Variants in DENND1A observed in about 807,000 individuals in gnomAD.
DENND1A encodes DENN domain containing 1A.
In DENND1A, 51 loss-of-function variants were observed where a neutral mutation model predicts 113.7. That is an observed-to-expected ratio of 0.45 (90% CI 0.36 to 0.57). The LOEUF (loss-of-function observed/expected upper bound fraction) is 0.57. Among genes scored for constraint, DENND1A ranks in the 20% least tolerant of loss-of-function variants. The probability of loss-of-function intolerance (pLI) is 0.00; values close to 1 mark genes in which losing one functional copy is unlikely to be tolerated. For synonymous variants in DENND1A, 565 were observed against 570.8 expected, an observed-to-expected ratio of 0.99 and a Z score of 0.14; for missense variants, 1,258 against 1,395.9, an observed-to-expected ratio of 0.90 and a Z score of 1.57.
chr9:123,909,978 G>C (rs1339352379), intron 1 of DENND1A, among the ~76,000 whole-genome samples: 2 of 151,846 alleles, frequency 1.3e-5, no homozygotes, highest in African/African-American at 4.8e-5. Context: ...TCTAACAAAA[G>C]ATGTTCAGGA....
At chr9:123,667,844 T>C (rs777437760) in intron 7 of DENND1A, among the ~76,000 whole-genome samples, 43 of 152,128 alleles carry the variant, frequency 2.8e-4, no homozygotes, top group Non-Finnish European at 4.7e-4. Flanking sequence ...GCCTAAGTGA[T>C]GTTAGGAAGA....
intron 5 of DENND1A, among the ~76,000 whole-genome samples, chr9:123,731,419 C>T (rs1262022241): frequency 1.3e-5 from 2 of 152,098 alleles, no homozygotes; most frequent in Non-Finnish European, 2.9e-5. Flanking sequence ...CTGCGTAGTC[C>T]ATTAATTTTT....
intron 13 of DENND1A, among the ~76,000 whole-genome samples, chr9:123,490,896 C>T (rs1174452772): frequency 6.6e-6 from 1 of 152,208 alleles, no homozygotes; most frequent in Non-Finnish European, 1.5e-5. Flanking sequence ...AGCCAGAGGC[C>T]ACTGTACTGA....
intron 5 of DENND1A, among the ~76,000 whole-genome samples, chr9:123,753,948 A>C (rs950440170): frequency 1.3e-5 from 2 of 152,254 alleles, no homozygotes; most frequent in African/African-American, 2.4e-5. Context: ...CACATGGACC[A>C]GAAAGCATAG....
At chr9:123,484,373 G>A (rs778153875) in intron 13 of DENND1A, among the ~76,000 whole-genome samples, 2 of 152,112 alleles carry the variant, frequency 1.3e-5, no homozygotes, top group Non-Finnish European at 2.9e-5. Context: ...AGAGTAAGCC[G>A]CCCAGAGATT....
At chr9:123,884,782 AT>A (rs1413989385) in intron 1 of DENND1A, among the ~76,000 whole-genome samples, 3 of 152,096 alleles carry the variant, frequency 2.0e-5, no homozygotes, top group African/African-American at 7.2e-5. Flanking sequence ...CAGAGAATAA[AT>A]TGGCCAAAGA....
intron 12 of DENND1A, among the ~76,000 whole-genome samples, chr9:123,566,913 C>CCACACA (rs59984497): frequency 0.041 from 5,970 of 147,366 alleles, 300 homozygotes; most frequent in African/African-American, 0.12. Context: ...CTTTAACACA[C>CCACACA]CACACACACA....
chr9:123,915,572 C>T (rs1854936753), intron 1 of DENND1A, among the ~76,000 whole-genome samples: 1 of 151,968 alleles, frequency 6.6e-6, no homozygotes, highest in South Asian at 2.1e-4. Context: ...TAAAGTAACA[C>T]AAAATAGATA....
At chr9:123,630,205 T>A (rs564116459) in intron 10 of DENND1A, among the ~76,000 whole-genome samples, 171 bp downstream of exon 10, 2 of 46,608 alleles carry the variant, frequency 4.3e-5, no homozygotes, top group Non-Finnish European at 7.0e-5. Flanking sequence ...CATGACTGGC[T>A]TTTTTTTTTT....
intron 2 of DENND1A, among the ~76,000 whole-genome samples, chr9:123,873,742 T>C (rs538966068): frequency 1.3e-5 from 2 of 151,958 alleles, no homozygotes; most frequent in Admixed American, 6.6e-5. Context: ...AAATTATCTA[T>C]CTCTCTTTTT....
chr9:123,695,764 T>G (rs981951687), intron 5 of DENND1A, among the ~76,000 whole-genome samples: 1 of 152,206 alleles, frequency 6.6e-6, no homozygotes, highest in African/African-American at 2.4e-5. Flanking sequence ...CACACACCCG[T>G]GGCAGACTAC....
chr9:123,670,678 C>T (rs2139954916), intron 7 of DENND1A, among the ~76,000 whole-genome samples: 1 of 152,332 alleles, frequency 6.6e-6, no homozygotes, highest in South Asian at 2.1e-4. Context: ...GCTCTGTCCT[C>T]AAGGGACACA....
chr9:123,464,482 G>A (rs1284798111), intron 13 of DENND1A, among the ~76,000 whole-genome samples: 2 of 152,132 alleles, frequency 1.3e-5, no homozygotes, highest in Admixed American at 6.5e-5. Context: ...TAAGCCAGTC[G>A]CAAATAGATC....
At chr9:123,787,672 C>T (rs1369900838) in intron 3 of DENND1A, among the ~76,000 whole-genome samples, 1 of 152,094 alleles carries the variant, frequency 6.6e-6, no homozygotes, top group Non-Finnish European at 1.5e-5. Flanking sequence ...AGTTATGCAA[C>T]ATATTTTTGT....
At chr9:123,638,693 C>T (rs916602604) in intron 9 of DENND1A, among the ~76,000 whole-genome samples, 20 of 151,962 alleles carry the variant, frequency 1.3e-4, no homozygotes, top group Non-Finnish European at 2.1e-4. Context: ...ATCTCCTGAC[C>T]TCACACTTGA....
intron 23 of DENND1A, 22 bp from the exon 24 acceptor site, chr9:123,382,647 G>C: frequency 6.2e-7 from 1 of 1,612,670 alleles, no homozygotes; most frequent in Non-Finnish European, 8.5e-7. Flanking sequence ...GAAGGAGGGC[G>C]GCAGTGACCA....
intron 5 of DENND1A, among the ~76,000 whole-genome samples, chr9:123,693,434 TTG>T (rs1322965296): frequency 2.0e-5 from 3 of 152,336 alleles, no homozygotes; most frequent in Admixed American, 6.5e-5. Flanking sequence ...TCCAGCCTGC[TTG>T]TGTTGCTCCT....
chr9:123,831,730 C>G (rs1442325469), intron 2 of DENND1A, among the ~76,000 whole-genome samples: 1 of 152,176 alleles, frequency 6.6e-6, no homozygotes, highest in East Asian at 1.9e-4. Context: ...AAATAATAAT[C>G]TCAGCACTCT....
chr9:123,714,120 G>C (rs918938234), intron 5 of DENND1A, among the ~76,000 whole-genome samples: 2 of 152,330 alleles, frequency 1.3e-5, no homozygotes, highest in African/African-American at 2.4e-5. Context: ...TTTTATGCTC[G>C]AGAAAGGATC....
Sources: allele counts gnomAD v4.1 joint callset (sites outside exome capture counted in the v4.1 genomes callset), GRCh38; gene constraint gnomAD v4.1.1; transcripts MANE v1.5; gene names NCBI Gene and HGNC (gene_info 2026-07-23, HGNC 2026-07-21).